Variants in SMURF2 observed in about 807,000 individuals in gnomAD.
SMURF2 encodes the protein SMAD specific E3 ubiquitin protein ligase 2.
In SMURF2, 48 loss-of-function variants were observed where a neutral mutation model predicts 109.6. That is an observed-to-expected ratio of 0.44 (90% CI 0.35 to 0.56). SMURF2 has a LOEUF of 0.56. Among genes scored for constraint, SMURF2 ranks in the 20% least tolerant of loss-of-function variants. The pLI, the probability that SMURF2 is intolerant of heterozygous loss-of-function variation, is 0.01. For synonymous variants in SMURF2, 288 were observed against 317.1 expected, an observed-to-expected ratio of 0.91 and a Z score of 0.97; for missense variants, 575 against 909.0, an observed-to-expected ratio of 0.63 and a Z score of 4.72.
At chr17:64,651,827 C>T (rs374727578) in intron 1 of SMURF2, among the ~76,000 whole-genome samples, 2 of 151,948 alleles carry the variant, frequency 1.3e-5, no homozygotes, top group African/African-American at 2.4e-5. Context: ...AAGGCTGAGG[C>T]GGGAGGATCA....
chr17:64,600,845 G>A (rs1555688486), intron 2 of SMURF2, among the ~76,000 whole-genome samples: 2 of 151,900 alleles, frequency 1.3e-5, no homozygotes, highest in African/African-American at 4.8e-5. Flanking sequence ...GTATTTATGA[G>A]CAAAAACAAA....
At chr17:64,636,324 C>T (rs935425220) in intron 1 of SMURF2, among the ~76,000 whole-genome samples, 2 of 151,958 alleles carry the variant, frequency 1.3e-5, no homozygotes, top group Admixed American at 6.6e-5. Flanking sequence ...TCCTTAAGGC[C>T]GGGTGCGGTG....
intron 1 of SMURF2, among the ~76,000 whole-genome samples, chr17:64,651,255 T>C (rs1970635244): frequency 6.6e-6 from 1 of 151,186 alleles, no homozygotes; most frequent in Non-Finnish European, 1.5e-5. Flanking sequence ...TTAAGTTTCT[T>C]CCTTTCTTTT....
intron 1 of SMURF2, among the ~76,000 whole-genome samples, chr17:64,647,680 A>G (rs1357351371): frequency 2.9e-5 from 3 of 101,986 alleles, no homozygotes; most frequent in African/African-American, 1.5e-4. Context: ...GACTCTGTCT[A>G]AAAAAAAAAA....
At chr17:64,611,538 A>G (rs1322785875) in intron 1 of SMURF2, among the ~76,000 whole-genome samples, 1 of 152,146 alleles carries the variant, frequency 6.6e-6, no homozygotes, top group African/African-American at 2.4e-5. Flanking sequence ...AAATCTCCAT[A>G]GCAACCTTCA....
chr17:64,626,971 G>A (rs1448509706), intron 1 of SMURF2, among the ~76,000 whole-genome samples: 2 of 150,796 alleles, frequency 1.3e-5, no homozygotes, highest in Non-Finnish European at 3.0e-5. Context: ...GATTAAAGCT[G>A]ATGTACAAAT....
rs1969111715 is a variant in SMURF2, at chr17:64,555,814, A to G, written c.1610+6T>C. 1 of 1,591,828 alleles carries G rather than the reference A, an allele frequency of 6.3e-7. No homozygotes were observed. The highest frequency in any genetic ancestry group is 1.1e-5 in the South Asian group (1 of 88,878). On this transcript the variant is annotated splice_donor_region_variant and intron_variant, in intron 14 of 18. Coordinates refer to ENST00000262435, the MANE Select transcript of SMURF2 (RefSeq NM_022739.4). ...ATAATGAAGAGATAGAAGACTCAAT[A>G]CATACAGTATCCACACTAAACTGTT...
intron 10 of SMURF2, among the ~76,000 whole-genome samples, chr17:64,566,466 G>A (rs1173674006): frequency 1.1e-4 from 16 of 147,188 alleles, no homozygotes; most frequent in African/African-American, 4.0e-4. Flanking sequence ...GGACTTTACC[G>A]AACTAGTAGC....
intron 15 of SMURF2, among the ~76,000 whole-genome samples, chr17:64,552,346 T>C (rs1282474182): frequency 1.3e-5 from 2 of 152,178 alleles, no homozygotes; most frequent in African/African-American, 2.4e-5. Flanking sequence ...TGTTTTTATT[T>C]ATCTACCCAA....
At position 64,545,901 on chromosome 17, in the gene SMURF2, A is replaced by G. The variant is rs1555683059; in HGVS notation, c.2194T>C (p.Tyr732His). ...TCAATGGCTGTTAGCAGCTTTTCAT[A>G]TAGCTTTTCATAGCTTTCATAGGGT... Reference protein sequence around the residue: ...IPPYESYEKLYEKLLTAIEET... With the variant: ...IPPYESYEKLHEKLLTAIEET... Residue 732 changes from tyrosine (Y) to histidine (H), a missense_variant, in exon 19 of 19, where the codon TAT (tyrosine) becomes CAT (histidine). Coordinates refer to ENST00000262435, the MANE Select transcript of SMURF2 (RefSeq NM_022739.4). 1.2e-6 allele frequency: 2 copies of G among 1,612,132 alleles called. No individual in the cohort carries two copies. The highest frequency in any genetic ancestry group is 4.5e-5 in the East Asian group (2 of 44,866).
chr17:64,609,914 A>C (rs1430849764), intron 1 of SMURF2, among the ~76,000 whole-genome samples: 1 of 142,086 alleles, frequency 7.0e-6, no homozygotes, highest in Non-Finnish European at 1.5e-5. Context: ...TAAATTTACA[A>C]AAAAAAAAAC....
At chr17:64,641,507 T>C (rs1217361623) in intron 1 of SMURF2, among the ~76,000 whole-genome samples, 2 of 152,200 alleles carry the variant, frequency 1.3e-5, no homozygotes, top group African/African-American at 4.8e-5. Context: ...TAACTTGTTT[T>C]GTAACCAATA....
At chr17:64,633,851 CT>C (rs1354646302) in intron 1 of SMURF2, among the ~76,000 whole-genome samples, 1 of 151,832 alleles carries the variant, frequency 6.6e-6, no homozygotes, top group Non-Finnish European at 1.5e-5. Context: ...TACAAAGTTA[CT>C]GTAAAAACAT....
chr17:64,588,867 C>T (rs1969708641), intron 5 of SMURF2, among the ~76,000 whole-genome samples: 1 of 152,160 alleles, frequency 6.6e-6, no homozygotes, highest in Non-Finnish European at 1.5e-5. Context: ...TCGTGATCCA[C>T]CCACCTTGGC....
intron 2 of SMURF2, among the ~76,000 whole-genome samples, chr17:64,599,820 G>C (rs1555688401): frequency 6.6e-6 from 1 of 152,194 alleles, no homozygotes; most frequent in African/African-American, 2.4e-5. Context: ...CTGCTTTAAA[G>C]GGCATACAGG....
At chr17:64,561,032 G>A (rs1969208782) in intron 12 of SMURF2, 1 of 150,798 alleles carries the variant, frequency 6.6e-6, no homozygotes, top group Admixed American at 6.6e-5. Context: ...TACAAATGTA[G>A]CAGAAGCATT....
intron 1 of SMURF2, among the ~76,000 whole-genome samples, chr17:64,612,876 T>C (rs1303757665): frequency 6.6e-6 from 1 of 152,112 alleles, no homozygotes; most frequent in African/African-American, 2.4e-5. Flanking sequence ...ATTTTAGTAA[T>C]CAAGAGATTA....
At chr17:64,632,620 T>C (rs1021697779) in intron 1 of SMURF2, among the ~76,000 whole-genome samples, 7 of 152,226 alleles carry the variant, frequency 4.6e-5, no homozygotes, top group Admixed American at 2.0e-4. Flanking sequence ...ATGCTTCCTA[T>C]ATTCTCTTTT....
intron 1 of SMURF2, among the ~76,000 whole-genome samples, chr17:64,658,083 C>T (rs1421947651): frequency 3.3e-5 from 5 of 151,922 alleles, no homozygotes; most frequent in African/African-American, 9.7e-5. Context: ...GGCCGGGTGC[C>T]GTGGCTCATG....
Sources: gnomAD v4.1 joint callset for allele counts (sites outside exome capture counted in the v4.1 genomes callset) on GRCh38, gnomAD v4.1.1 for gene constraint, MANE v1.5 for transcripts, NCBI Gene and HGNC (gene_info 2026-07-23, HGNC 2026-07-21) for gene names.